NRG3: variants seen among roughly 807,000 people sequenced by gnomAD.
NRG3 encodes pro-neuregulin-3, membrane-bound isoform.
In NRG3, 31 loss-of-function variants were observed where a neutral mutation model predicts 66.9. The ratio of observed to expected loss-of-function variants is 0.46; its 90% CI spans 0.35 to 0.63. The LOEUF (loss-of-function observed/expected upper bound fraction) is 0.63, where lower values mean the gene tolerates loss of function less well. Ranked by LOEUF, NRG3 falls within the 20% of genes least tolerant of loss-of-function variation. NRG3 has a pLI of 0.00. For synonymous variants in NRG3, 393 were observed against 359.4 expected, an observed-to-expected ratio of 1.09 and a Z score of -1.06; for missense variants, 910 against 878.9, an observed-to-expected ratio of 1.04 and a Z score of -0.45.
chr10:82,632,331 A>G (rs2049900514), intron 2 of NRG3, among the ~76,000 whole-genome samples: 1 of 152,200 alleles, frequency 6.6e-6, no homozygotes, highest in African/African-American at 2.4e-5. Context: ...TAGTTACATA[A>G]GACATCCAAA....
intron 1 of NRG3, among the ~76,000 whole-genome samples, chr10:81,884,681 A>G (rs375759653): frequency 2.6e-5 from 4 of 152,282 alleles, no homozygotes; most frequent in African/African-American, 7.2e-5. Flanking sequence ...ATATGCAAAT[A>G]CCAGGCCATT....
chr10:82,660,185 A>C (rs2052220052), intron 2 of NRG3, among the ~76,000 whole-genome samples: 1 of 127,496 alleles, frequency 7.8e-6, no homozygotes, highest in African/African-American at 3.0e-5. Flanking sequence ...GACAAGAGCA[A>C]AACTCCCTCT....
intron 2 of NRG3, 113 bp downstream of exon 2, chr10:82,358,981 T>C: frequency 7.0e-7 from 1 of 1,419,790 alleles, no homozygotes. Context: ...AGTCCCACCG[T>C]TTGAATAGCA....
chr10:82,604,781 C>T (rs932944489), intron 2 of NRG3, among the ~76,000 whole-genome samples: 2 of 152,164 alleles, frequency 1.3e-5, no homozygotes, highest in African/African-American at 4.8e-5. Flanking sequence ...GCTGAAACAA[C>T]TGAACTTAAA....
chr10:82,455,374 C>A (rs1235453845), intron 2 of NRG3, among the ~76,000 whole-genome samples: 2 of 152,014 alleles, frequency 1.3e-5, no homozygotes, highest in Non-Finnish European at 2.9e-5. Flanking sequence ...ATACTATAGG[C>A]AATTGTGACA....
chr10:82,577,610 T>C (rs1227994744), intron 2 of NRG3, among the ~76,000 whole-genome samples: 1 of 151,766 alleles, frequency 6.6e-6, no homozygotes, highest in Non-Finnish European at 1.5e-5. Context: ...CATTGTTTTG[T>C]TGCACTAGCT....
rs1564593264 is a variant in NRG3 at position 82,132,473 on chromosome 10, ATATATGATATATATATATGATATAT to A, written c.824-226265_824-226241del. Among the ~76,000 whole-genome samples, 71 of 107,812 alleles carry A rather than the reference ATATATGATATATATATATGATATAT, an allele frequency of 6.6e-4. 6 individuals carry two copies. The highest frequency in any genetic ancestry group is 2.6e-3 in the African/African-American group (70 of 26,896). 70.7% of individuals were successfully genotyped at this position (107,812 alleles called of 152,430 possible). On this transcript the variant is annotated intron_variant, in intron 1 of 8. Transcript: ENST00000372141. Reference sequence around the variant, plus strand: ...TATATATATATGATATATATGATATATATATGATATATATATATGATATATATATATCATATATATATGATATATA... The same window carrying A: ...TATATATATATGATATATATGATATAATATATCATATATATATGATATATA...
At chr10:82,198,043 T>G (rs1317083781) in intron 1 of NRG3, among the ~76,000 whole-genome samples, 1 of 152,170 alleles carries the variant, frequency 6.6e-6, no homozygotes, top group Non-Finnish European at 1.5e-5. Context: ...CCATGAACAT[T>G]TTGTACACAA....
chr10:82,462,868 T>C (rs1256039182), intron 2 of NRG3, among the ~76,000 whole-genome samples: 1 of 152,212 alleles, frequency 6.6e-6, no homozygotes. Flanking sequence ...CTGTCTTTTT[T>C]ATTTTTTCCT....
chr10:82,059,374 C>T (rs906919340), intron 1 of NRG3, among the ~76,000 whole-genome samples: 1 of 152,152 alleles, frequency 6.6e-6, no homozygotes, highest in African/African-American at 2.4e-5. Flanking sequence ...GTAGATATTT[C>T]AGGGTGAATG....
intron 2 of NRG3, among the ~76,000 whole-genome samples, chr10:82,391,667 G>A (rs1012878550): frequency 6.6e-6 from 1 of 152,116 alleles, no homozygotes. Flanking sequence ...TGAGGATAAT[G>A]CCCAAGGGGA....
Position 82,313,285 on chromosome 10 carries a change from C to T in NRG3, c.824-45454C>T, listed in dbSNP as rs548781804. 5.6e-4 allele frequency among the ~76,000 whole-genome samples: 85 copies of T among 151,646 alleles called. 1 individual carries two copies. The highest frequency in any genetic ancestry group is 2.1e-3 in the East Asian group (11 of 5,158). ...CCAGGAGGCAGAGGTTGCAGGGAGC[C>T]GAGATAGTGTCACTGCACTCCAGCC... On this transcript the variant is annotated intron_variant, in intron 1 of 8. Coordinates refer to ENST00000372141, the MANE Select transcript of NRG3 (RefSeq NM_001010848.4).
chr10:82,908,057 G>A (rs931331558), intron 4 of NRG3, among the ~76,000 whole-genome samples: 1 of 152,170 alleles, frequency 6.6e-6, no homozygotes, highest in African/African-American at 2.4e-5. Flanking sequence ...CTGGTTTGGA[G>A]TAGCTTCTCA....
chr10:82,525,417 A>C (rs1846603875), intron 2 of NRG3, among the ~76,000 whole-genome samples: 1 of 151,908 alleles, frequency 6.6e-6, no homozygotes, highest in Admixed American at 6.6e-5. Flanking sequence ...CAAATGAATA[A>C]TCCTGGAGAA....
intron 2 of NRG3, among the ~76,000 whole-genome samples, chr10:82,560,186 T>C (rs1319249281): frequency 6.6e-6 from 1 of 151,832 alleles, no homozygotes; most frequent in Non-Finnish European, 1.5e-5. Context: ...TCATGATTTA[T>C]TGTTACATAT....
At chr10:82,448,602 T>G (rs578047012) in intron 2 of NRG3, among the ~76,000 whole-genome samples, 1 of 152,288 alleles carries the variant, frequency 6.6e-6, no homozygotes, top group East Asian at 1.9e-4. Context: ...ATCTCAATTC[T>G]CTCCCACAAA....
At chr10:82,539,621 T>G (rs1412219139) in intron 2 of NRG3, among the ~76,000 whole-genome samples, 2 of 147,354 alleles carry the variant, frequency 1.4e-5, no homozygotes, top group South Asian at 2.1e-4. Context: ...TTGACTGCCG[T>G]TTTTTTTTGT....
intron 2 of NRG3, among the ~76,000 whole-genome samples, chr10:82,541,123 A>C (rs927077774): frequency 3.9e-5 from 6 of 152,116 alleles, no homozygotes; most frequent in African/African-American, 1.4e-4. Flanking sequence ...TGAGCAAATA[A>C]ATTTCTATTC....
intron 2 of NRG3, among the ~76,000 whole-genome samples, chr10:82,731,222 C>G (rs1326014963): frequency 6.6e-6 from 1 of 151,890 alleles, no homozygotes; most frequent in African/African-American, 2.4e-5. Flanking sequence ...CAAAACTTAG[C>G]CAGGCATGGT....
Sources: allele counts gnomAD v4.1 joint callset (sites outside exome capture counted in the v4.1 genomes callset), GRCh38; gene constraint gnomAD v4.1.1; transcripts MANE v1.5; gene names NCBI Gene and HGNC (gene_info 2026-07-23, HGNC 2026-07-21).